SEC14L5: variants seen among roughly 807,000 people sequenced by gnomAD.
SEC14L5 encodes SEC14 like lipid binding 5.
SEC14L5 carries 96 observed loss-of-function variants against 84.6 expected under a neutral mutation model. The ratio of observed to expected loss-of-function variants is 1.13; its 90% confidence interval spans 0.96 to 1.34. The LOEUF is 1.34. SEC14L5 is among the 40% of genes most tolerant of loss of function. The pLI, the probability that SEC14L5 is intolerant of heterozygous loss-of-function variation, is 0.00. For missense variants in SEC14L5, 1,224 were observed against 942.5 expected (o/e 1.30, Z -3.91); for synonymous variants, 546 against 383.4 (o/e 1.42, Z -4.95).
In SEC14L5 at chr16:5,012,905, G is replaced by GAAA. The variant is rs35512692; in HGVS notation, c.1979+1642_1979+1644dup. ...GCGAGACTGTCTCAAAAAGAAAAAG[G>GAAA]AAAAAAAAAAAACCTACCTGAGACT... On this transcript the variant is annotated intron_variant, in intron 15 of 15. Coordinates refer to ENST00000251170, the MANE Select transcript of SEC14L5 (RefSeq NM_014692.2). Among the ~76,000 whole-genome samples, 598 of 145,848 alleles carry GAAA rather than the reference G, an allele frequency of 4.1e-3. 2 individuals carry two copies. Among genetic ancestry groups the GAAA allele is most frequent in the Non-Finnish European group, 5.5e-3 (371 of 66,942 alleles).
intron 2 of SEC14L5, among the ~76,000 whole-genome samples, chr16:4,965,185 A>G (rs1197267078): frequency 6.6e-6 from 1 of 152,212 alleles, no homozygotes; most frequent in Non-Finnish European, 1.5e-5. Context: ...TAGCATGTAT[A>G]GATTCTGCCT....
In SEC14L5 at chr16:4,959,482, A is replaced by T. The variant is rs1955092946; in HGVS notation, c.63+96A>T. ...AAGACGGAGCTCCTTAGACTCCCAGATCAGAAGGAATTAGTGAGTTACTCA... is the reference window on the plus strand; with the variant it reads ...AAGACGGAGCTCCTTAGACTCCCAGTTCAGAAGGAATTAGTGAGTTACTCA... On this transcript the variant is annotated intron_variant, in intron 2 of 15. Coordinates refer to ENST00000251170, the MANE Select transcript of SEC14L5 (RefSeq NM_014692.2). The T allele has an allele frequency of 2.9e-6, 3 of 1,028,074 alleles. No individual in the cohort carries two copies. The South Asian group carries it at 3.9e-5, about 13-fold the overall frequency. The allele number at this position is 1,028,074 out of a possible 1,614,324, so 63.7% of individuals were successfully genotyped here.
intron 8 of SEC14L5, 122 bp from the exon 9 acceptor site, chr16:5,000,533 G>C (rs1160403082): frequency 1.4e-6 from 1 of 702,938 alleles, no homozygotes; most frequent in African/African-American, 1.8e-5. Flanking sequence ...GTGAAGGCTG[G>C]ATCGGGCCTT....
chr16:5,008,294 A>C, intron 13 of SEC14L5, 127 bp from the exon 14 acceptor site: 1 of 679,390 alleles, frequency 1.5e-6, no homozygotes, highest in South Asian at 1.6e-5. Context: ...GCACTCCTGT[A>C]AGGAATGAGC....
At chr16:4,962,455 A>C (rs1386893462) in intron 2 of SEC14L5, among the ~76,000 whole-genome samples, 1 of 152,150 alleles carries the variant, frequency 6.6e-6, no homozygotes, top group Non-Finnish European at 1.5e-5. Flanking sequence ...TGGGAGGCTA[A>C]GGCGGGCGGA....
At chr16:5,005,676 A>G (rs894547287) in intron 11 of SEC14L5, among the ~76,000 whole-genome samples, 4 of 151,752 alleles carry the variant, frequency 2.6e-5, no homozygotes, top group Admixed American at 1.3e-4. Flanking sequence ...CCTGGCTAAC[A>G]TGGTGAAACC....
Position 5,011,168 on chromosome 16 carries a change from C to T in SEC14L5, c.1874C>T (p.Ala625Val). The T allele has an allele frequency of 1.2e-6, 2 of 1,613,410 alleles. No individual in the cohort carries two copies. Among genetic ancestry groups the T allele is most frequent in the Non-Finnish European group, 1.7e-6 (2 of 1,179,714 alleles). The change falls in exon 15 of 16, where the codon GCC (alanine) becomes GTC (valine). Residue 625 changes from alanine to valine, a missense_variant. Coordinates refer to ENST00000251170, the MANE Select transcript of SEC14L5 (RefSeq NM_014692.2). ...ATGCACAGCCCCCCCAGCAGCGTGG[C>T]CTGCAGCCTCCCGGGTGTGGACGAT... is the stretch of plus-strand genomic sequence containing the variant. ...WQMHSPPSSV[A>V]CSLPGVDDVL...
chr16:5,003,568 A>G lies in SEC14L5; in HGVS notation c.1297A>G (p.Thr433Ala), dbSNP rs1317115221. The G allele has an allele frequency of 7.5e-7, 1 of 1,340,116 alleles. No homozygotes were observed. The highest frequency in any genetic ancestry group is 4.9e-5 in the East Asian group (1 of 20,282). 83.0% of individuals were successfully genotyped at this position (1,340,116 alleles called of 1,614,324 possible). A position where few individuals can be genotyped will look rare whatever the true frequency, so the allele number is the denominator to read the frequency against. Residue 433 changes from threonine to alanine, a missense_variant, in exon 11 of 16, where the codon ACA becomes GCA. Physicochemically the swap from Thr to Ala is moderately conservative, Grantham distance 58 (BLOSUM62 0). Transcript: ENST00000251170. Reference protein sequence around the residue: ...RAPRVFPVLWTLISPFINENT... With the variant: ...RAPRVFPVLWALISPFINENT... ...CCCCCGAGTCTTCCCCGTGCTCTGG[A>G]CACTGGTAAGAGCTGGAGCCTGGGC...
rs1441812273 is a variant in SEC14L5 at position 5,017,374 on chromosome 16, G to T, written c.*2404G>T. 6.6e-6 allele frequency: 1 copy of T among 152,288 alleles called. No homozygotes were observed. Among genetic ancestry groups the T allele is most frequent in the African/African-American group, 2.4e-5 (1 of 41,448 alleles). 9.4% of individuals were successfully genotyped at this position (152,288 alleles called of 1,614,324 possible). On this transcript the variant is annotated 3_prime_UTR_variant, in exon 16 of 16. Transcript: ENST00000251170. ...GAAGGTGGGTGCTGCTTCAGATATGGCTGGATCCAGGAGCTTAATGTCCTC... is the reference window on the plus strand; with the variant it reads ...GAAGGTGGGTGCTGCTTCAGATATGTCTGGATCCAGGAGCTTAATGTCCTC...
intron 8 of SEC14L5, among the ~76,000 whole-genome samples, chr16:4,999,367 A>G (rs1396719881): frequency 6.6e-6 from 1 of 152,178 alleles, no homozygotes; most frequent in Non-Finnish European, 1.5e-5. Flanking sequence ...CTCTCTGGGA[A>G]GCCAAAGCTG....
chr16:5,006,643 C>T (rs937615063), intron 12 of SEC14L5, among the ~76,000 whole-genome samples: 1 of 152,226 alleles, frequency 6.6e-6, no homozygotes, highest in Non-Finnish European at 1.5e-5. Flanking sequence ...AAATACCAGA[C>T]AGTGAGCTTG....
At position 4,990,747 on chromosome 16, in the gene SEC14L5, G is replaced by T; in HGVS notation, c.346-20G>T. 1.3e-6 allele frequency: 2 copies of T among 1,596,650 alleles called. No individual in the cohort carries two copies. Among genetic ancestry groups the T allele is most frequent in the South Asian group, 2.3e-5 (2 of 88,446 alleles). The stretch of plus-strand genomic sequence containing the variant: ...GCCCCCGACATTGAGTCCCTGGCAT[G>T]ACCCCTGCCTGGCTTTCAGGTCCAC... On this transcript the variant is annotated intron_variant, in intron 4 of 15. Coordinates refer to ENST00000251170, the MANE Select transcript of SEC14L5 (RefSeq NM_014692.2).
chr16:4,995,129 G>C (rs1368218060), intron 6 of SEC14L5, among the ~76,000 whole-genome samples: 1 of 152,142 alleles, frequency 6.6e-6, no homozygotes, highest in Admixed American at 6.6e-5. Context: ...TTTCTGTTTT[G>C]GGGGTGCTGC....
At chr16:4,992,532 G>A (rs534304553) in intron 6 of SEC14L5, among the ~76,000 whole-genome samples, 2 of 152,210 alleles carry the variant, frequency 1.3e-5, no homozygotes, top group Non-Finnish European at 2.9e-5. Context: ...GATTACAGGC[G>A]TAAGCCGTTG....
Position 5,016,253 on chromosome 16 carries a change from T to C in SEC14L5, c.*1283T>C, listed in dbSNP as rs1205273267. On this transcript the variant is annotated 3_prime_UTR_variant, in exon 16 of 16. Transcript: ENST00000251170. Reference sequence around the variant, plus strand: ...CTACACAGGAGCGTCTTGGGTCTCCTTGGGGCCTGAGGACATTTCTCCTTT... The same window carrying C: ...CTACACAGGAGCGTCTTGGGTCTCCCTGGGGCCTGAGGACATTTCTCCTTT... The C allele has an allele frequency of 9.2e-5, 14 of 152,204 alleles. No homozygotes were observed. Among genetic ancestry groups the C allele is most frequent in the African/African-American group, 3.4e-4 (14 of 41,452 alleles). 9.4% of individuals were successfully genotyped at this position (152,204 alleles called of 1,614,324 possible). A position where few individuals can be genotyped will look rare whatever the true frequency, so the allele number is the denominator to read the frequency against.
At chr16:5,000,375 C>T (rs1008428402) in intron 8 of SEC14L5, among the ~76,000 whole-genome samples, 3 of 152,230 alleles carry the variant, frequency 2.0e-5, no homozygotes, top group Non-Finnish European at 2.9e-5. Flanking sequence ...TGTGTTCAAG[C>T]AATCCTCCTG....
intron 2 of SEC14L5, among the ~76,000 whole-genome samples, chr16:4,977,714 C>T (rs12597151): frequency 0.27 from 40,443 of 151,888 alleles, 5,700 homozygotes; most frequent in Admixed American, 0.34. Flanking sequence ...TATAACCTTC[C>T]GGGGCTCCCT....
At chr16:5,001,448 A>G (rs540880570) in intron 10 of SEC14L5, among the ~76,000 whole-genome samples, 1 of 152,020 alleles carries the variant, frequency 6.6e-6, no homozygotes, top group African/African-American at 2.4e-5. Context: ...TTTAGTAGAG[A>G]CAGGGTTTCA....
Position 4,993,623 on chromosome 16 carries a change from C to A in SEC14L5, c.667+1593C>A, listed in dbSNP as rs74005460. Among the ~76,000 whole-genome samples the A allele has an allele frequency of 1.3e-3, 193 of 152,294 alleles. 1 individual carries two copies. The highest frequency in any genetic ancestry group is 4.3e-3 in the African/African-American group (179 of 41,574). ...TAGGTCGTTTCAGTTTTTAAAAATACAAACAACATGGTACATGTGAGTACT... is the reference window on the plus strand; with the variant it reads ...TAGGTCGTTTCAGTTTTTAAAAATAAAAACAACATGGTACATGTGAGTACT... On this transcript the variant is annotated intron_variant, in intron 6 of 15. Transcript: ENST00000251170.
Sources: allele counts gnomAD v4.1 joint callset (sites outside exome capture counted in the v4.1 genomes callset), GRCh38; gene constraint gnomAD v4.1.1; transcripts MANE v1.5; gene names NCBI Gene and HGNC (gene_info 2026-07-23, HGNC 2026-07-21).